NCAN: variants seen among roughly 807,000 people sequenced by gnomAD.
NCAN encodes the protein neurocan, also known as neurocan core protein.
A neutral mutation model predicts 121.8 loss-of-function variants in NCAN; 47 were observed. That is an observed-to-expected ratio of 0.39 (90% CI 0.31 to 0.49). NCAN has a LOEUF of 0.49. NCAN is among the 20% of genes least tolerant of loss of function. NCAN has a pLI of 0.92. For missense variants in NCAN, 1,517 were observed against 1,773.4 expected (o/e 0.86, Z 2.60); for synonymous variants, 633 against 702.0 (o/e 0.90, Z 1.55).
Position 19,227,102 on chromosome 19 carries a change from A to G in NCAN, c.1660+29A>G. On this transcript the variant is annotated intron_variant, in intron 7 of 14. Transcript: ENST00000252575. The surrounding 1 kb of genome is among the most constrained non-coding windows in gnomAD (Gnocchi z 4.2). ...AGTTGCTCTGGGGGAGGCGGGACCT[A>G]CCTGGGGATCTGGAGGTGAGGGTAG... 1 of 1,501,716 alleles carries G rather than the reference A, an allele frequency of 6.7e-7. No individual in the cohort carries two copies. The allele number at this position is 1,501,716 out of a possible 1,614,324, so 93.0% of individuals were successfully genotyped here. A position where few individuals can be genotyped will look rare whatever the true frequency, so the allele number is the denominator to read the frequency against.
Position 19,238,353 on chromosome 19 carries a change from C to T in NCAN, c.3351C>T (p.Arg1117=). The change falls in exon 11 of 15, where the codon CGC becomes CGT. Residue 1117 remains arginine (R), a synonymous_variant. Transcript: ENST00000252575. ...RAWEDAEKDC[R]RRSGHLTSVH... ...GGGAAGATGCCGAGAAGGACTGCCG[C>T]CGCCGCTCCGGCCACCTGACCAGCG... The T allele has an allele frequency of 1.2e-6, 2 of 1,614,214 alleles. No individual in the cohort carries two copies. The highest frequency in any genetic ancestry group is 2.2e-5 in the South Asian group (2 of 91,084).
At chr19:19,224,728 C>T (rs1403470701) in intron 5 of NCAN, among the ~76,000 whole-genome samples, 1 of 151,962 alleles carries the variant, frequency 6.6e-6, no homozygotes, top group Non-Finnish European at 1.5e-5. Context: ...TCACCGAGCC[C>T]CTCCCTCTCT....
intron 3 of NCAN, among the ~76,000 whole-genome samples, chr19:19,222,358 C>T (rs1207102379): frequency 2.0e-5 from 3 of 152,156 alleles, no homozygotes; most frequent in Admixed American, 2.0e-4. Flanking sequence ...TGGCTCACTG[C>T]ACCTCTGCCT....
chr19:19,227,071 C>G lies in NCAN; in HGVS notation c.1658C>G (p.Ala553Gly). The G allele has an allele frequency of 6.6e-7, 1 of 1,508,622 alleles. No homozygotes were observed. Among genetic ancestry groups the G allele is most frequent in the Non-Finnish European group, 8.8e-7 (1 of 1,130,168 alleles). 93.5% of individuals were successfully genotyped at this position (1,508,622 alleles called of 1,614,324 possible). Residue 553 changes from alanine to glycine, a missense_variant and splice_region_variant, in exon 7 of 15, where the codon GCT becomes GGT. Coordinates refer to ENST00000252575, the MANE Select transcript of NCAN (RefSeq NM_004386.3). The surrounding 1 kb of genome is among the most constrained non-coding windows in gnomAD (Gnocchi z 4.2). ...ACCAATGAGGTGGATATGCCTGGAG[C>G]TGGTGAGTTGCTCTGGGGGAGGCGG... ...DLTNEVDMPG[A>G]GSAGGKSSPE... is the part of the protein sequence containing the mutation.
chr19:19,230,098 G>T (rs1294753680), intron 8 of NCAN, among the ~76,000 whole-genome samples: 2 of 151,998 alleles, frequency 1.3e-5, no homozygotes, highest in Admixed American at 1.3e-4. Flanking sequence ...AGCCTGGAGT[G>T]CAGTGGTGTG....
chr19:19,246,901 C>T (rs1489745094), intron 13 of NCAN, among the ~76,000 whole-genome samples: 1 of 152,104 alleles, frequency 6.6e-6, no homozygotes, highest in Non-Finnish European at 1.5e-5. Flanking sequence ...TGTGAACTGT[C>T]AATTCATCTC....
chr19:19,227,057 G>A lies in NCAN; in HGVS notation c.1644G>A (p.Val548=). ...CCTGGGCTGATCTGACCAATGAGGT[G>A]GATATGCCTGGAGCTGGTGAGTTGC... ...RSPWADLTNE[V]DMPGAGSAGG... The change falls in exon 7 of 15, where the codon GTG becomes GTA. Residue 548 remains valine (V), a synonymous_variant. Coordinates refer to ENST00000252575, the MANE Select transcript of NCAN (RefSeq NM_004386.3). The surrounding 1 kb of genome is among the most constrained non-coding windows in gnomAD (Gnocchi z 4.2). The A allele has an allele frequency of 6.6e-7, 1 of 1,510,786 alleles. No homozygotes were observed. Among genetic ancestry groups the A allele is most frequent in the Non-Finnish European group, 8.8e-7 (1 of 1,131,232 alleles). The allele number at this position is 1,510,786 out of a possible 1,614,324, so 93.6% of individuals were successfully genotyped here.
chr19:19,223,140 A>AAAAT (rs969719376), intron 3 of NCAN, among the ~76,000 whole-genome samples: 4 of 151,584 alleles, frequency 2.6e-5, no homozygotes, highest in South Asian at 2.1e-4. Context: ...AATAAAATAA[A>AAAAT]AAATAAATAA....
At chr19:19,239,967 C>T (rs1193849776) in intron 11 of NCAN, among the ~76,000 whole-genome samples, 2 of 142,240 alleles carry the variant, frequency 1.4e-5, no homozygotes, top group East Asian at 2.2e-4. Context: ...ACTCATCTTC[C>T]TCCTCCTTTC....
chr19:19,227,911 C>A lies in NCAN; in HGVS notation c.2291C>A (p.Ala764Glu). ...TCTGAGTCTGGGGTCTTCGACACAGCAGAAAGCCCCACTTCTGGCTTGCAG... is the reference window on the plus strand; with the variant it reads ...TCTGAGTCTGGGGTCTTCGACACAGAAGAAAGCCCCACTTCTGGCTTGCAG... ...PGSESGVFDT[A>E]ESPTSGLQAT... is the part of the protein sequence containing the mutation. Residue 764 changes from alanine (A) to glutamate (E), a missense_variant, in exon 8 of 15, where the codon GCA (alanine) becomes GAA (glutamate). Transcript: ENST00000252575. This position sits in a 1 kb window ranked among gnomAD's most constrained non-coding sequence, Gnocchi z 4.2. 1.2e-6 allele frequency: 2 copies of A among 1,613,694 alleles called. No homozygotes were observed. The highest frequency in any genetic ancestry group is 1.7e-6 in the Non-Finnish European group (2 of 1,180,026).
intron 12 of NCAN, among the ~76,000 whole-genome samples, chr19:19,244,655 C>T (rs555049911): frequency 6.6e-6 from 1 of 151,600 alleles, no homozygotes; most frequent in Non-Finnish European, 1.5e-5. Flanking sequence ...ATTGCCTCCT[C>T]AGGGAAGTCC....
intron 8 of NCAN, among the ~76,000 whole-genome samples, chr19:19,230,889 G>A (rs2060856673): frequency 7.3e-6 from 1 of 137,222 alleles, no homozygotes; most frequent in Non-Finnish European, 1.6e-5. Flanking sequence ...CCGGCTGTGT[G>A]TGTGTGTGTG....
chr19:19,213,290 C>T (rs919288804), intron 1 of NCAN, among the ~76,000 whole-genome samples: 1 of 151,996 alleles, frequency 6.6e-6, no homozygotes, highest in Non-Finnish European at 1.5e-5. Context: ...GGAGTATGCC[C>T]AGGGGTTCTA....
chr19:19,228,505 T>A lies in NCAN; in HGVS notation c.2885T>A (p.Val962Asp). 6.2e-7 allele frequency: 1 copy of A among 1,613,466 alleles called. No homozygotes were observed. The highest frequency in any genetic ancestry group is 8.5e-7 in the Non-Finnish European group (1 of 1,180,012). Residue 962 changes from valine (V) to aspartate (D), a missense_variant, in exon 8 of 15, where the codon GTC (valine) becomes GAC (aspartate). Transcript: ENST00000252575. ...PWDPSSTLLPVTLGIEDFELE... is the reference protein window; with the variant it reads ...PWDPSSTLLPDTLGIEDFELE... Reference sequence around the variant, plus strand: ...GACCCCTCCAGCACCCTGCTGCCTGTCACCCTGGGCATAGAGGACTTCGAA... The same window carrying A: ...GACCCCTCCAGCACCCTGCTGCCTGACACCCTGGGCATAGAGGACTTCGAA...
chr19:19,223,954 G>C (rs112241818), intron 3 of NCAN, 67 bp from the exon 4 acceptor site: 1 of 1,437,284 alleles, frequency 7.0e-7, no homozygotes, highest in Non-Finnish European at 9.3e-7. Flanking sequence ...TTCTGCAAGA[G>C]GTAGGTCTGT....
At chr19:19,229,546 T>C (rs1288403739) in intron 8 of NCAN, among the ~76,000 whole-genome samples, 1 of 152,176 alleles carries the variant, frequency 6.6e-6, no homozygotes, top group East Asian at 1.9e-4. Context: ...ATTCTACAGA[T>C]AGCAAACCGG....
chr19:19,227,969 C>G lies in NCAN; in HGVS notation c.2349C>G (p.Pro783=). The G allele has an allele frequency of 1.2e-6, 2 of 1,613,422 alleles. No homozygotes were observed. Among genetic ancestry groups the G allele is most frequent in the Non-Finnish European group, 1.7e-6 (2 of 1,179,938 alleles). The change falls in exon 8 of 15, where the codon CCC becomes CCG. Residue 783 remains proline (P), a synonymous_variant. Transcript: ENST00000252575. This position sits in a 1 kb window ranked among gnomAD's most constrained non-coding sequence, Gnocchi z 4.2. ...ATVDEVQDPW[P]SVYSKGLDAS... is the part of the protein sequence containing the mutation. ...TAGATGAGGTGCAGGACCCCTGGCC[C>G]TCAGTGTACAGCAAAGGGCTGGATG...
intron 12 of NCAN, among the ~76,000 whole-genome samples, chr19:19,245,067 G>A (rs902882008): frequency 4.6e-5 from 7 of 152,126 alleles, no homozygotes; most frequent in Non-Finnish European, 7.4e-5. Context: ...GGGTGCGGCC[G>A]GGCACCCAGG....
At chr19:19,244,252 T>G (rs1568603155) in intron 12 of NCAN, among the ~76,000 whole-genome samples, 1 of 151,344 alleles carries the variant, frequency 6.6e-6, no homozygotes, top group African/African-American at 2.4e-5. Flanking sequence ...CCTCTGAGCC[T>G]TCACACTGGT....
Sources: allele counts gnomAD v4.1 joint callset (sites outside exome capture counted in the v4.1 genomes callset), GRCh38; gene constraint gnomAD v4.1.1; non-coding constraint Gnocchi (gnomAD v3.1); transcripts MANE v1.5; gene names NCBI Gene and HGNC (gene_info 2026-07-23, HGNC 2026-07-21).